Variants in PPP3R1 observed in about 807,000 individuals in gnomAD.
The protein encoded by PPP3R1 is protein phosphatase 3 regulatory subunit B, alpha, also known as calcineurin subunit B type 1.
In PPP3R1, 5 loss-of-function variants were observed where a neutral mutation model predicts 22.6. The ratio of observed to expected loss-of-function variants is 0.22; its 90% CI spans 0.12 to 0.46. The LOEUF (loss-of-function observed/expected upper bound fraction) is 0.46. Ranked by LOEUF, PPP3R1 falls within the 20% of genes least tolerant of loss-of-function variation. The pLI is 0.99. For missense variants in PPP3R1, 61 were observed against 203.2 expected, an observed-to-expected ratio of 0.30 and a Z score of 4.25; for synonymous variants, 56 against 65.2, an observed-to-expected ratio of 0.86 and a Z score of 0.68.
In PPP3R1 at chr2:68,179,399, A is replaced by G. The variant is rs1231082834; in HGVS notation, c.*1564T>C. 1 of 152,626 alleles carries G rather than the reference A, an allele frequency of 6.6e-6. No individual in the cohort carries two copies. The highest frequency in any genetic ancestry group is 1.5e-5 in the Non-Finnish European group (1 of 68,034). 9.5% of individuals were successfully genotyped at this position (152,626 alleles called of 1,614,324 possible). ...TGATCTACATGCAAAACTCCATGTCATGCAAGGACACCAAGCACCGGGATT... is the reference window on the plus strand; with the variant it reads ...TGATCTACATGCAAAACTCCATGTCGTGCAAGGACACCAAGCACCGGGATT... On this transcript the variant is annotated 3_prime_UTR_variant, in exon 6 of 6. Coordinates refer to ENST00000234310, the MANE Select transcript of PPP3R1 (RefSeq NM_000945.4).
intron 2 of PPP3R1, among the ~76,000 whole-genome samples, chr2:68,206,113 C>T (rs1487274307): frequency 2.0e-5 from 3 of 152,250 alleles, no homozygotes; most frequent in South Asian, 2.1e-4. Context: ...CCACCGCGCC[C>T]GGCGGCTCTT....
chr2:68,186,604 C>A lies in PPP3R1; in HGVS notation c.329G>T (p.Gly110Val). Reference protein sequence around the residue: ...DMDKDGYISNGELFQVLKMMV... With the variant: ...DMDKDGYISNVELFQVLKMMV... ...CATCTTCAATACCTGGAAGAGTTCC[C>A]CATTGGAAATATAGCCATCTTTATC... is the stretch of plus-strand genomic sequence containing the variant. Residue 110 changes from glycine (G) to valine (V), a missense_variant, in exon 5 of 6, where the codon GGG (glycine) becomes GTG (valine). Coordinates refer to ENST00000234310, the MANE Select transcript of PPP3R1 (RefSeq NM_000945.4). The A allele has an allele frequency of 6.2e-7, 1 of 1,613,054 alleles. No homozygotes were observed. Among genetic ancestry groups the A allele is most frequent in the Non-Finnish European group, 8.5e-7 (1 of 1,179,390 alleles).
chr2:68,201,795 T>A (rs143026833), intron 2 of PPP3R1, among the ~76,000 whole-genome samples: 1 of 152,360 alleles, frequency 6.6e-6, no homozygotes, highest in East Asian at 1.9e-4. Flanking sequence ...GAACTTTGAA[T>A]GTATTACTCC....
chr2:68,182,797 A>T (rs1251758784), intron 5 of PPP3R1, among the ~76,000 whole-genome samples: 1 of 151,430 alleles, frequency 6.6e-6, no homozygotes, highest in Admixed American at 6.6e-5. Context: ...AGAACTATGT[A>T]TTATGATTAC....
chr2:68,223,382 C>T (rs1669724017), intron 1 of PPP3R1, among the ~76,000 whole-genome samples: 1 of 152,166 alleles, frequency 6.6e-6, no homozygotes, highest in African/African-American at 2.4e-5. Flanking sequence ...GGCAACAGTG[C>T]GAGACTCTGT....
chr2:68,232,868 A>G (rs185220268), intron 1 of PPP3R1, among the ~76,000 whole-genome samples: 1 of 152,170 alleles, frequency 6.6e-6, no homozygotes, highest in Admixed American at 6.5e-5. Context: ...CAGCCTCCCA[A>G]AATGCTGGGA....
At chr2:68,195,431 T>A (rs1043525646) in intron 2 of PPP3R1, among the ~76,000 whole-genome samples, 2 of 152,158 alleles carry the variant, frequency 1.3e-5, no homozygotes, top group Admixed American at 1.3e-4. Context: ...TTAACTTTGA[T>A]CACTTGGCCA....
At chr2:68,231,773 T>A (rs1669906139) in intron 1 of PPP3R1, among the ~76,000 whole-genome samples, 1 of 152,196 alleles carries the variant, frequency 6.6e-6, no homozygotes, top group Non-Finnish European at 1.5e-5. Context: ...GCTTCTGTTT[T>A]GATTCATGCT....
At chr2:68,191,163 T>C (rs1327214882) in intron 2 of PPP3R1, among the ~76,000 whole-genome samples, 1 of 152,108 alleles carries the variant, frequency 6.6e-6, no homozygotes, top group Non-Finnish European at 1.5e-5. Flanking sequence ...CACTTAACGA[T>C]GGGGTTACAC....
chr2:68,199,546 T>C (rs1674914196), intron 2 of PPP3R1, among the ~76,000 whole-genome samples: 1 of 152,188 alleles, frequency 6.6e-6, no homozygotes, highest in South Asian at 2.1e-4. Flanking sequence ...CAATCTTAGG[T>C]AGAAACGATT....
intron 1 of PPP3R1, among the ~76,000 whole-genome samples, chr2:68,247,428 C>T (rs1670258094): frequency 6.6e-6 from 1 of 152,224 alleles, no homozygotes; most frequent in Admixed American, 6.5e-5. Context: ...AACACATGTG[C>T]CTCTTTCTAC....
At chr2:68,187,400 A>C in intron 3 of PPP3R1, 86 bp from the exon 4 acceptor site, 3 of 1,189,348 alleles carry the variant, frequency 2.5e-6, no homozygotes, top group Non-Finnish European at 3.6e-6. Context: ...CCACAAAAGG[A>C]TATTTCCTTG....
intron 2 of PPP3R1, among the ~76,000 whole-genome samples, chr2:68,190,937 T>C (rs1341454830): frequency 6.6e-6 from 1 of 152,198 alleles, no homozygotes; most frequent in Non-Finnish European, 1.5e-5. Context: ...TACAGTTAAT[T>C]TGTACTTGCA....
intron 1 of PPP3R1, among the ~76,000 whole-genome samples, chr2:68,248,109 G>A (rs1670270989): frequency 6.6e-6 from 1 of 152,026 alleles, no homozygotes; most frequent in Admixed American, 6.6e-5. Context: ...CTCCAGCCAC[G>A]CTAAACTAAC....
At chr2:68,212,615 A>C (rs1403450885) in intron 2 of PPP3R1, among the ~76,000 whole-genome samples, 9 of 152,226 alleles carry the variant, frequency 5.9e-5, no homozygotes, top group African/African-American at 9.6e-5. Flanking sequence ...ATGAGCAACA[A>C]TATTTTGAAA....
At chr2:68,212,739 A>C (rs1037484948) in intron 2 of PPP3R1, among the ~76,000 whole-genome samples, 111 of 152,236 alleles carry the variant, frequency 7.3e-4, no homozygotes, top group African/African-American at 2.6e-3. Flanking sequence ...TAGAGAGCAC[A>C]GGAGAGGAAA....
intron 2 of PPP3R1, among the ~76,000 whole-genome samples, chr2:68,210,134 G>A (rs543489619): frequency 2.4e-4 from 36 of 152,294 alleles, no homozygotes; most frequent in African/African-American, 8.7e-4. Flanking sequence ...CTGCTTGCAA[G>A]GAAGGTTCAG....
At chr2:68,203,530 G>A (rs1380027654) in intron 2 of PPP3R1, among the ~76,000 whole-genome samples, 1 of 152,024 alleles carries the variant, frequency 6.6e-6, no homozygotes, top group African/African-American at 2.4e-5. Context: ...GAACCCAGGA[G>A]GCAGAGGTTG....
chr2:68,233,172 A>C (rs1038770910), intron 1 of PPP3R1, among the ~76,000 whole-genome samples: 4 of 152,206 alleles, frequency 2.6e-5, no homozygotes, highest in African/African-American at 9.7e-5. Context: ...ACCTAAATTA[A>C]ATGCAAAGAG....
Sources: allele counts gnomAD v4.1 joint callset (sites outside exome capture counted in the v4.1 genomes callset), GRCh38; gene constraint gnomAD v4.1.1; transcripts MANE v1.5; gene names NCBI Gene and HGNC (gene_info 2026-07-23, HGNC 2026-07-21).